The following CALD1 variants were observed in gnomAD, a reference collection of about 807,000 sequenced individuals.
CALD1 encodes the protein caldesmon.
In CALD1, 33 loss-of-function variants were observed where a neutral mutation model predicts 99.9. The observed-to-expected ratio is 0.33, with a 90% CI of 0.25 to 0.44. The LOEUF is 0.44. Ranked by LOEUF, CALD1 falls within the 20% of genes least tolerant of loss-of-function variation. CALD1 has a pLI of 1.00. For synonymous variants in CALD1, 310 were observed against 325.0 expected (o/e 0.95, Z 0.50); for missense variants, 861 against 962.1 (o/e 0.89, Z 1.39).
At chr7:134,909,218 TTCAGATTA>T (rs1803614773) in intron 3 of CALD1, among the ~76,000 whole-genome samples, 1 of 152,210 alleles carries the variant, frequency 6.6e-6, no homozygotes, top group Admixed American at 6.5e-5. Context: ...AAAAAAAATT[TTCAGATTA>T]TCAATTTTTA....
At chr7:134,713,137 A>T in the CALD1 span, among the ~76,000 whole-genome samples, 2 of 152,228 alleles carry the variant, frequency 1.3e-5, no homozygotes, top group Admixed American at 1.3e-4. Flanking sequence ...TCAGGAAATA[A>T]GTGACATTGG....
At position 134,885,173 on chromosome 7, in the gene CALD1, T is replaced by A. The variant is rs570733443; in HGVS notation, c.71+17369T>A. On this transcript the variant is annotated intron_variant, in intron 3 of 14. Transcript: ENST00000361675. The stretch of plus-strand genomic sequence containing the variant: ...GTCTGTAACTCCTGACCTCAGGTGA[T>A]CCTCCTGCCTCTGCCTCCCAAAGTG... Among the ~76,000 whole-genome samples, 3 of 152,068 alleles carry A rather than the reference T, an allele frequency of 2.0e-5. No homozygotes were observed. The South Asian group carries it at 6.2e-4, about 32-fold the overall frequency.
chr7:134,882,482 G>GTATA, intron 3 of CALD1, among the ~76,000 whole-genome samples: 1 of 152,168 alleles, frequency 6.6e-6, no homozygotes, highest in East Asian at 1.9e-4. Context: ...ATTTACTCCG[G>GTATA]TACTCAAGCC....
intron 1 of CALD1, among the ~76,000 whole-genome samples, chr7:134,765,250 G>A (rs552880203): frequency 2.0e-5 from 3 of 151,736 alleles, no homozygotes; most frequent in Non-Finnish European, 4.4e-5. Flanking sequence ...GGGGGCAGAG[G>A]TTGCAGTGAG....
At chr7:134,859,527 A>AT (rs1800471674) in intron 2 of CALD1, among the ~76,000 whole-genome samples, 1 of 152,150 alleles carries the variant, frequency 6.6e-6, no homozygotes, top group Non-Finnish European at 1.5e-5. Flanking sequence ...CGTGTCCCAA[A>AT]TTTTCACTTC....
At chr7:134,947,394 A>T in intron 7 of CALD1, 114 bp from the exon 8 acceptor site, 2 of 1,075,808 alleles carry the variant, frequency 1.9e-6, no homozygotes, top group Non-Finnish European at 2.6e-6. Flanking sequence ...TGGGCTAATG[A>T]GAGGCAGTGG....
intron 1 of CALD1, among the ~76,000 whole-genome samples, chr7:134,754,012 C>A (rs1348705824): frequency 1.3e-5 from 2 of 152,214 alleles, no homozygotes; most frequent in African/African-American, 4.8e-5. Context: ...AGGCTGGGGA[C>A]ATCTCCACAG....
At chr7:134,906,559 C>T (rs1563084826) in intron 3 of CALD1, among the ~76,000 whole-genome samples, 1 of 152,258 alleles carries the variant, frequency 6.6e-6, no homozygotes, top group Non-Finnish European at 1.5e-5. Flanking sequence ...GTAAAACAAT[C>T]TGTTTGACTC....
chr7:134,947,518 G>A lies in CALD1; in HGVS notation c.1543G>A (p.Gly515Arg). 5.1e-6 allele frequency: 8 copies of A among 1,568,934 alleles called. No individual in the cohort carries two copies. The highest frequency in any genetic ancestry group is 6.9e-6 in the Non-Finnish European group (8 of 1,156,658). Residue 515 changes from glycine (G) to arginine (R), a missense_variant, in exon 8 of 15, where the codon GGG becomes AGG. Physicochemically the swap from Gly to Arg is moderately radical, Grantham distance 125 (BLOSUM62 -2). Transcript: ENST00000361675. ...GCCCCCCAACCACAGCCGCCCTGGA[G>A]GGAGGGCCAGCGTGGACACCAAGGA... The part of the protein sequence containing the change: ...HTENTFSRPG[G>R]RASVDTKEAE...
chr7:134,761,536 A>G (rs1796778560), intron 1 of CALD1, among the ~76,000 whole-genome samples: 1 of 152,214 alleles, frequency 6.6e-6, no homozygotes, highest in African/African-American at 2.4e-5. Flanking sequence ...TTCTTAGTTT[A>G]CAAAGCATGT....
chr7:134,945,240 C>A (rs767314403), intron 7 of CALD1, among the ~76,000 whole-genome samples: 1 of 152,104 alleles, frequency 6.6e-6, no homozygotes, highest in Non-Finnish European at 1.5e-5. Context: ...GTTTTATAAG[C>A]TGTTCTACCT....
At chr7:134,715,535 A>G in the CALD1 span, among the ~76,000 whole-genome samples, 2 of 152,204 alleles carry the variant, frequency 1.3e-5, no homozygotes, top group African/African-American at 2.4e-5. Flanking sequence ...CAGTTATCCA[A>G]TACAAGTGGA....
chr7:134,801,350 T>C (rs1438333499), intron 1 of CALD1, among the ~76,000 whole-genome samples: 1 of 152,224 alleles, frequency 6.6e-6, no homozygotes, highest in Non-Finnish European at 1.5e-5. Flanking sequence ...AGCCAATTGT[T>C]ACAATAATCT....
At chr7:134,759,272 C>T (rs1026806759) in intron 1 of CALD1, among the ~76,000 whole-genome samples, 11 of 152,298 alleles carry the variant, frequency 7.2e-5, no homozygotes, top group Admixed American at 4.6e-4. Context: ...ATAGATCTGT[C>T]TCTGTCTTCA....
intron 3 of CALD1, chr7:134,899,836 G>A (rs915763419): frequency 2.6e-5 from 4 of 151,908 alleles, no homozygotes; most frequent in African/African-American, 7.3e-5. Flanking sequence ...TTGTAGAGAC[G>A]AGGTCTCACT....
At chr7:134,759,749 A>G (rs1796760546) in intron 1 of CALD1, among the ~76,000 whole-genome samples, 1 of 152,190 alleles carries the variant, frequency 6.6e-6, no homozygotes, top group Non-Finnish European at 1.5e-5. Flanking sequence ...AGTGCTGGGG[A>G]TAAAGCAACA....
At chr7:134,738,030 T>C in the CALD1 span, among the ~76,000 whole-genome samples, 1 of 152,230 alleles carries the variant, frequency 6.6e-6, no homozygotes, top group East Asian at 1.9e-4. Context: ...CATCCTGCTA[T>C]GCTGGTTGAG....
At chr7:134,910,080 T>C (rs113612102) in intron 3 of CALD1, among the ~76,000 whole-genome samples, 3,017 of 152,308 alleles carry the variant, frequency 0.02, 41 homozygotes, top group Middle Eastern at 0.041. Flanking sequence ...ATATAGTCAA[T>C]ATAGTGTTCC....
At chr7:134,724,662 C>T in the CALD1 span, among the ~76,000 whole-genome samples, 2 of 152,210 alleles carry the variant, frequency 1.3e-5, no homozygotes, top group Non-Finnish European at 2.9e-5. Context: ...CCAAGGTCCA[C>T]GATTCTTCTA....
Sources: gnomAD v4.1 joint callset for allele counts (sites outside exome capture counted in the v4.1 genomes callset) on GRCh38, gnomAD v4.1.1 for gene constraint, MANE v1.5 for transcripts, NCBI Gene and HGNC (gene_info 2026-07-23, HGNC 2026-07-21) for gene names.